Variants in DCLK2 observed in about 807,000 individuals in gnomAD.
DCLK2 encodes the protein doublecortin like kinase 2.
Under a neutral mutation model 78.4 loss-of-function variants are expected in DCLK2, and 31 were observed. The observed-to-expected ratio is 0.40, with a 90% CI of 0.30 to 0.53. DCLK2 has a LOEUF of 0.53. Among genes scored for constraint, DCLK2 ranks in the 20% least tolerant of loss-of-function variants. DCLK2 has a pLI of 0.61. For synonymous variants in DCLK2, 407 were observed against 374.9 expected (o/e 1.09, Z -0.99); for missense variants, 872 against 973.7 (o/e 0.90, Z 1.39).
At chr4:150,237,583 C>T (rs1438640587) in intron 10 of DCLK2, among the ~76,000 whole-genome samples, 1 of 152,074 alleles carries the variant, frequency 6.6e-6, no homozygotes, top group Non-Finnish European at 1.5e-5. Context: ...ATTTCAGTGC[C>T]GTCCTCTTTA....
Position 150,186,894 on chromosome 4 carries a change from ATGTGTGTGTGTGTG to A in DCLK2, c.757-6222_757-6209del, listed in dbSNP as rs10683241. Reference sequence around the variant, plus strand: ...GGCAACAGAGTGACTCTATCTCAAAATGTGTGTGTGTGTGTGTGTGTGTGTGTGTGTGTGTAGTC... The same window carrying A: ...GGCAACAGAGTGACTCTATCTCAAAATGTGTGTGTGTGTGTGTGTGTAGTC... On this transcript the variant is annotated intron_variant, in intron 2 of 15. Transcript: ENST00000296550. Among the ~76,000 whole-genome samples, 473 of 147,598 alleles carry A rather than the reference ATGTGTGTGTGTGTG, an allele frequency of 3.2e-3. 3 individuals carry two copies. Among genetic ancestry groups the A allele is most frequent in the African/African-American group, 0.011 (438 of 40,224 alleles).
chr4:150,079,079 AGGCCGC>A lies in DCLK2; in HGVS notation c.58_63del (p.Arg20_Pro21del). On this transcript the variant is annotated inframe_deletion, in exon 1 of 16. Transcript: ENST00000296550. ...GGAGCACTTTGAGGAACGGGACAAA[AGGCCGC>A]GGCCGGGGTCGCGGAGAGGGGCCCC... is the stretch of plus-strand genomic sequence containing the variant. 1 of 1,563,488 alleles carries A rather than the reference AGGCCGC, an allele frequency of 6.4e-7. No individual in the cohort carries two copies. The highest frequency in any genetic ancestry group is 8.6e-7 in the Non-Finnish European group (1 of 1,158,308).
chr4:150,112,222 A>G (rs1731745093), intron 2 of DCLK2, among the ~76,000 whole-genome samples: 1 of 152,040 alleles, frequency 6.6e-6, no homozygotes, highest in African/African-American at 2.4e-5. Flanking sequence ...TATTTTTTGC[A>G]GCTATTGTAT....
At chr4:150,116,683 C>A (rs1424061183) in intron 2 of DCLK2, among the ~76,000 whole-genome samples, 1 of 152,144 alleles carries the variant, frequency 6.6e-6, no homozygotes, top group Non-Finnish European at 1.5e-5. Context: ...CTCTAAGATT[C>A]CTTGGTTATA....
At chr4:150,239,505 G>C (rs1198834886) in intron 10 of DCLK2, among the ~76,000 whole-genome samples, 3 of 152,056 alleles carry the variant, frequency 2.0e-5, no homozygotes, top group Non-Finnish European at 2.9e-5. Flanking sequence ...GGGGTTCCGT[G>C]GGGGAAGGAT....
At chr4:150,250,689 T>C (rs905338737) in intron 15 of DCLK2, among the ~76,000 whole-genome samples, 9 of 151,636 alleles carry the variant, frequency 5.9e-5, no homozygotes, top group Non-Finnish European at 8.8e-5. Flanking sequence ...CCGTCACTCG[T>C]ACTTGGGACA....
intron 7 of DCLK2, among the ~76,000 whole-genome samples, chr4:150,223,980 G>C (rs934192713): frequency 1.8e-4 from 28 of 151,942 alleles, no homozygotes; most frequent in African/African-American, 5.3e-4. Flanking sequence ...AAAATTTTCT[G>C]TTAATTTGGT....
intron 1 of DCLK2, among the ~76,000 whole-genome samples, chr4:150,091,767 T>TTGTGTGTGTGTG (rs777556852): frequency 1.5e-5 from 2 of 133,614 alleles, no homozygotes; most frequent in African/African-American, 5.6e-5. Flanking sequence ...AAAGGAACAT[T>TTGTGTGTGTGTG]TATGTGTGTG....
chr4:150,146,440 T>G (rs917862623), intron 2 of DCLK2, among the ~76,000 whole-genome samples: 1 of 152,182 alleles, frequency 6.6e-6, no homozygotes, highest in Non-Finnish European at 1.5e-5. Context: ...ACCTGAACAA[T>G]TGTGCTAATT....
chr4:150,151,479 G>A (rs1734892222), intron 2 of DCLK2, among the ~76,000 whole-genome samples: 1 of 152,174 alleles, frequency 6.6e-6, no homozygotes, highest in Admixed American at 6.5e-5. Context: ...CTGAAGATAA[G>A]GACTATTGAA....
At chr4:150,104,136 T>G (rs1479878252) in intron 2 of DCLK2, among the ~76,000 whole-genome samples, 3 of 151,942 alleles carry the variant, frequency 2.0e-5, no homozygotes, top group Non-Finnish European at 4.4e-5. Context: ...GAAAAAGGCA[T>G]ATAAACAGTA....
chr4:150,166,986 G>C (rs1436364427), intron 2 of DCLK2, among the ~76,000 whole-genome samples: 1 of 152,164 alleles, frequency 6.6e-6, no homozygotes, highest in African/African-American at 2.4e-5. Flanking sequence ...ACTGATTAAA[G>C]AGTAGTTCAC....
intron 2 of DCLK2, among the ~76,000 whole-genome samples, chr4:150,140,238 T>G (rs1024626343): frequency 3.9e-5 from 6 of 152,248 alleles, no homozygotes; most frequent in African/African-American, 1.4e-4. Flanking sequence ...CTTCTTTAAT[T>G]ATTGTTATTA....
intron 1 of DCLK2, among the ~76,000 whole-genome samples, chr4:150,100,711 G>A (rs1231827140): frequency 1.3e-5 from 2 of 152,098 alleles, no homozygotes; most frequent in African/African-American, 2.4e-5. Context: ...GCATATGTGT[G>A]GTTATAGTTA....
chr4:150,206,795 T>C (rs1739877593), intron 5 of DCLK2, among the ~76,000 whole-genome samples: 1 of 152,214 alleles, frequency 6.6e-6, no homozygotes, highest in Non-Finnish European at 1.5e-5. Flanking sequence ...CCTATTCTCA[T>C]GGGTCCTGCC....
intron 2 of DCLK2, among the ~76,000 whole-genome samples, chr4:150,161,229 G>T (rs1735685947): frequency 6.6e-6 from 1 of 152,124 alleles, no homozygotes; most frequent in South Asian, 2.1e-4. Flanking sequence ...CCAGATACAG[G>T]CTATCTTTTA....
intron 5 of DCLK2, chr4:150,209,752 T>G (rs551075203): frequency 6.6e-6 from 1 of 152,338 alleles, no homozygotes; most frequent in African/African-American, 2.4e-5. Context: ...TTTCTGGTGG[T>G]ACCAGCAGAC....
chr4:150,186,751 G>A lies in DCLK2; in HGVS notation c.757-6387G>A, dbSNP rs80191147. Among the ~76,000 whole-genome samples the A allele has an allele frequency of 4.9e-4, 75 of 152,256 alleles. No homozygotes were observed. The East Asian group carries it at 0.014, about 29-fold the overall frequency. ...CAGTTAAATACGTAGTCCCAGGCTGGGCACAGTGTCTCACATGTGTAATAC... is the reference window on the plus strand; with the variant it reads ...CAGTTAAATACGTAGTCCCAGGCTGAGCACAGTGTCTCACATGTGTAATAC... On this transcript the variant is annotated intron_variant, in intron 2 of 15. Transcript: ENST00000296550.
At chr4:150,229,839 G>A (rs1329846583) in intron 8 of DCLK2, among the ~76,000 whole-genome samples, 2 of 152,108 alleles carry the variant, frequency 1.3e-5, no homozygotes, top group Admixed American at 6.5e-5. Context: ...AATAATGTAA[G>A]TTCAGTATGG....
Sources: allele counts gnomAD v4.1 joint callset (sites outside exome capture counted in the v4.1 genomes callset), GRCh38; gene constraint gnomAD v4.1.1; transcripts MANE v1.5; gene names NCBI Gene and HGNC (gene_info 2026-07-23, HGNC 2026-07-21).